The following PCDHA3 variants were observed in gnomAD, a reference collection of about 807,000 sequenced individuals.
PCDHA3 encodes protocadherin alpha 3.
Under a neutral mutation model 62.2 loss-of-function variants are expected in PCDHA3, and 41 were observed. That is an observed-to-expected ratio of 0.66 (90% confidence interval 0.51 to 0.86). PCDHA3 has a LOEUF of 0.86. Ranked by LOEUF, PCDHA3 falls within the 40% of genes least tolerant of loss-of-function variation. The pLI is 0.00. For missense variants in PCDHA3, 1,304 were observed against 1,241.2 expected, an observed-to-expected ratio of 1.05 and a Z score of -0.76; for synonymous variants, 640 against 555.4, an observed-to-expected ratio of 1.15 and a Z score of -2.14.
Position 140,906,278 on chromosome 5 carries a change from C to T in PCDHA3, c.2395-72671C>T, listed in dbSNP as rs546102354. On this transcript the variant is annotated intron_variant, in intron 1 of 3. Coordinates refer to ENST00000522353, the MANE Select transcript of PCDHA3 (RefSeq NM_018906.3). ...ACCTCCTGAAATTATAGATAATCTT[C>T]AAATTAAGACAATAATAAGGTCATA... Among the ~76,000 whole-genome samples the T allele has an allele frequency of 4.6e-5, 7 of 152,270 alleles. No homozygotes were observed. In the South Asian group the frequency reaches 6.2e-4, roughly 14 times the overall value.
intron 1 of PCDHA3, chr5:140,835,997 C>A: frequency 6.2e-7 from 1 of 1,613,306 alleles, no homozygotes; most frequent in Non-Finnish European, 8.5e-7. Context: ...TGAGCGCGCG[C>A]GATGCGGGCG....
At chr5:140,882,667 C>A in intron 1 of PCDHA3, 1 of 1,614,160 alleles carries the variant, frequency 6.2e-7, no homozygotes, top group Middle Eastern at 1.6e-4. Flanking sequence ...CGCCCATATT[C>A]CCTGAAAGCA....
intron 1 of PCDHA3, chr5:140,816,182 C>G (rs2126670067): frequency 7.9e-5 from 12 of 152,234 alleles, no homozygotes; most frequent in African/African-American, 2.9e-4. Flanking sequence ...CTTAGGCTTT[C>G]TTTACTCTCT....
intron 1 of PCDHA3, chr5:140,870,108 C>T (rs1317421695): frequency 1.2e-6 from 2 of 1,613,788 alleles, no homozygotes; most frequent in Non-Finnish European, 1.7e-6. Context: ...ACTGTACAGT[C>T]TGGGTGGAAA....
intron 3 of PCDHA3, among the ~76,000 whole-genome samples, chr5:141,001,477 A>T (rs2098020508): frequency 6.6e-6 from 1 of 152,176 alleles, no homozygotes; most frequent in South Asian, 2.1e-4. Flanking sequence ...AGCAGCGGGG[A>T]AGTGCTGGAA....
In PCDHA3 at chr5:140,802,989, G is replaced by A; in HGVS notation, c.1792G>A (p.Asp598Asn). 6.2e-7 allele frequency: 1 copy of A among 1,614,030 alleles called. No homozygotes were observed. Among genetic ancestry groups the A allele is most frequent in the East Asian group, 2.2e-5 (1 of 44,876 alleles). The change falls in exon 1 of 4, where the codon GAT (aspartate) becomes AAT (asparagine). Residue 598 changes from aspartate (D) to asparagine (N), a missense_variant. Physicochemically the swap from Asp to Asn is conservative, Grantham distance 23. Transcript: ENST00000522353. ...GHVVAKVRAV[D>N]ADSGYNAWLS... The stretch of plus-strand genomic sequence containing the variant: ...CGTGGTAGCGAAGGTGCGCGCAGTG[G>A]ATGCAGACTCAGGCTACAACGCGTG...
At chr5:140,842,617 G>A (rs2150340722) in intron 1 of PCDHA3, 15 of 1,572,174 alleles carry the variant, frequency 9.5e-6, no homozygotes, top group South Asian at 7.8e-5. Context: ...ACGGGGGCTC[G>A]CCTTCGCTGT....
At chr5:140,890,363 C>T (rs1217094920) in intron 1 of PCDHA3, among the ~76,000 whole-genome samples, 1 of 152,036 alleles carries the variant, frequency 6.6e-6, no homozygotes, top group African/African-American at 2.4e-5. Flanking sequence ...CAATGGATAA[C>T]CTGAACAAGT....
At chr5:140,828,582 C>G (rs1554131414) in intron 1 of PCDHA3, 3 of 1,614,224 alleles carry the variant, frequency 1.9e-6, no homozygotes, top group Middle Eastern at 3.3e-4. Flanking sequence ...GATGTTGGCT[C>G]AAATTCCATC....
chr5:140,882,199 G>A, intron 1 of PCDHA3: 1 of 1,526,968 alleles, frequency 6.5e-7, no homozygotes, highest in Non-Finnish European at 8.8e-7. Context: ...TAAAAATTGG[G>A]CCTTGAGAGA....
intron 1 of PCDHA3, chr5:140,834,581 G>C: frequency 1.2e-6 from 2 of 1,614,124 alleles, no homozygotes; most frequent in East Asian, 4.5e-5. Flanking sequence ...TGTTCCGGGC[G>C]GTGTGCAAAT....
At chr5:140,828,808 T>G (rs2150159222) in intron 1 of PCDHA3, 1 of 1,614,144 alleles carries the variant, frequency 6.2e-7, no homozygotes, top group East Asian at 2.2e-5. Context: ...ATGATAATGC[T>G]CCCACTTTCG....
intron 1 of PCDHA3, chr5:140,848,572 T>C: frequency 3.1e-6 from 5 of 1,595,304 alleles, no homozygotes; most frequent in African/African-American, 1.3e-5. Context: ...ATGTGGGTGG[T>C]GGGGAGCGGC....
rs782354826 is a variant in PCDHA3, at chr5:140,856,955, G to A, written c.2394+53364G>A. 3 of 1,593,892 alleles carry A rather than the reference G, an allele frequency of 1.9e-6. No individual in the cohort carries two copies. The Admixed American group carries it at 5.1e-5, about 27-fold the overall frequency. On this transcript the variant is annotated intron_variant, in intron 1 of 3. Coordinates refer to ENST00000522353, the MANE Select transcript of PCDHA3 (RefSeq NM_018906.3). Reference sequence around the variant, plus strand: ...AAACGAAAGGACGGGAGAAATAAAAGTAAATGATGCTATTGACTTTGAGGA... The same window carrying A: ...AAACGAAAGGACGGGAGAAATAAAAATAAATGATGCTATTGACTTTGAGGA...
At chr5:141,003,178 A>C (rs2098114996) in intron 3 of PCDHA3, among the ~76,000 whole-genome samples, 1 of 152,180 alleles carries the variant, frequency 6.6e-6, no homozygotes, top group East Asian at 1.9e-4. Context: ...CTGAGGCTCA[A>C]CTCCATCAAC....
chr5:140,956,775 C>T (rs1176979643), intron 1 of PCDHA3, among the ~76,000 whole-genome samples: 1 of 152,112 alleles, frequency 6.6e-6, no homozygotes, highest in Non-Finnish European at 1.5e-5. Context: ...CTGTCTGGTC[C>T]TGGGCTTTGT....
intron 1 of PCDHA3, among the ~76,000 whole-genome samples, chr5:140,897,495 A>G (rs1208374175): frequency 1.2e-4 from 19 of 152,006 alleles, no homozygotes; most frequent in Admixed American, 9.8e-4. Flanking sequence ...AATTTCAACC[A>G]TGTCCCTACA....
At chr5:141,004,602 G>A (rs1345777080) in intron 3 of PCDHA3, among the ~76,000 whole-genome samples, 18 of 152,298 alleles carry the variant, frequency 1.2e-4, no homozygotes, top group African/African-American at 4.1e-4. Flanking sequence ...CAGTGCTTAG[G>A]CCTCATGCAG....
chr5:140,869,739 A>G lies in PCDHA3; in HGVS notation c.2394+66148A>G, dbSNP rs541641507. 5 of 1,613,386 alleles carry G rather than the reference A, an allele frequency of 3.1e-6. No individual in the cohort carries two copies. In the South Asian group the frequency reaches 5.5e-5, roughly 18 times the overall value. Reference sequence around the variant, plus strand: ...AAACTCCGGAACTTAATTTGCTGCTAACAGCTACAGACGGGGGAAAACCAG... The same window carrying G: ...AAACTCCGGAACTTAATTTGCTGCTGACAGCTACAGACGGGGGAAAACCAG... On this transcript the variant is annotated intron_variant, in intron 1 of 3. Transcript: ENST00000522353.
Sources: allele counts gnomAD v4.1 joint callset (sites outside exome capture counted in the v4.1 genomes callset), GRCh38; gene constraint gnomAD v4.1.1; transcripts MANE v1.5; gene names NCBI Gene and HGNC (gene_info 2026-07-23, HGNC 2026-07-21).